The following PXDNL variants were observed in gnomAD, a reference collection of about 807,000 sequenced individuals.
The protein encoded by PXDNL is probable oxidoreductase PXDNL.
In PXDNL, 145 loss-of-function variants were observed where a neutral mutation model predicts 150.8. The ratio of observed to expected loss-of-function variants is 0.96; its 90% CI spans 0.84 to 1.10. The LOEUF is 1.10. PXDNL is among the 50% of genes least tolerant of loss of function. The probability of loss-of-function intolerance (pLI) is 0.00; values close to 1 mark genes in which losing one functional copy is unlikely to be tolerated. For synonymous variants in PXDNL, 757 were observed against 725.7 expected, an observed-to-expected ratio of 1.04 and a Z score of -0.69; for missense variants, 2,087 against 1,873.9, an observed-to-expected ratio of 1.11 and a Z score of -2.10.
intron 2 of PXDNL, among the ~76,000 whole-genome samples, chr8:51,633,238 T>C (rs571609214): frequency 1.3e-5 from 2 of 152,344 alleles, no homozygotes; most frequent in South Asian, 4.1e-4. Flanking sequence ...TTTCATTCTC[T>C]TTTGTGGATG....
intron 2 of PXDNL, among the ~76,000 whole-genome samples, chr8:51,637,685 G>A (rs62505331): frequency 0.023 from 3,559 of 152,284 alleles, 63 homozygotes; most frequent in East Asian, 0.069. Flanking sequence ...AAGCCTCCAA[G>A]AAATATGGGA....
intron 21 of PXDNL, among the ~76,000 whole-genome samples, chr8:51,322,376 A>G (rs1805350596): frequency 6.6e-6 from 1 of 152,142 alleles, no homozygotes; most frequent in African/African-American, 2.4e-5. Context: ...ACAGATCAGT[A>G]TTTCAGAAAT....
intron 20 of PXDNL, among the ~76,000 whole-genome samples, chr8:51,343,058 A>T (rs1806036678): frequency 6.6e-6 from 1 of 152,048 alleles, no homozygotes; most frequent in African/African-American, 2.4e-5. Context: ...AAACACAAAA[A>T]CCCAAGACAC....
At chr8:51,633,359 T>G (rs1246517067) in intron 2 of PXDNL, among the ~76,000 whole-genome samples, 1 of 152,172 alleles carries the variant, frequency 6.6e-6, no homozygotes, top group Admixed American at 6.6e-5. Flanking sequence ...AATGAACATA[T>G]GAATGCATGT....
intron 5 of PXDNL, among the ~76,000 whole-genome samples, chr8:51,497,367 G>A (rs1811075728): frequency 1.3e-5 from 2 of 152,158 alleles, no homozygotes; most frequent in Admixed American, 1.3e-4. Context: ...TCAGGACATA[G>A]GCATGGGCAA....
intron 4 of PXDNL, among the ~76,000 whole-genome samples, chr8:51,552,390 A>C (rs950329840): frequency 3.3e-5 from 5 of 152,346 alleles, no homozygotes; most frequent in Admixed American, 3.3e-4. Flanking sequence ...CTATGTTTAT[A>C]GCAGCACAAT....
At chr8:51,452,081 T>C (rs989666569) in intron 10 of PXDNL, among the ~76,000 whole-genome samples, 2 of 151,994 alleles carry the variant, frequency 1.3e-5, no homozygotes, top group Non-Finnish European at 2.9e-5. Flanking sequence ...GATGGAAGCA[T>C]AGAAAGGAAG....
chr8:51,349,076 CA>C (rs1806254983), intron 19 of PXDNL, among the ~76,000 whole-genome samples: 1 of 152,026 alleles, frequency 6.6e-6, no homozygotes, highest in Admixed American at 6.6e-5. Flanking sequence ...GTATGAATTA[CA>C]GCAGATAGGG....
chr8:51,656,310 A>T (rs139811995), intron 1 of PXDNL, among the ~76,000 whole-genome samples: 1 of 152,152 alleles, frequency 6.6e-6, no homozygotes, highest in Non-Finnish European at 1.5e-5. Flanking sequence ...AGGAGCTATT[A>T]TTTTCAATTA....
chr8:51,689,891 G>T (rs1172806802), intron 1 of PXDNL, among the ~76,000 whole-genome samples: 1 of 152,190 alleles, frequency 6.6e-6, no homozygotes. Flanking sequence ...CTTCGGCACA[G>T]GTTCACTGCC....
chr8:51,625,301 A>G (rs575483269), intron 2 of PXDNL, among the ~76,000 whole-genome samples: 13 of 152,326 alleles, frequency 8.5e-5, no homozygotes, highest in Non-Finnish European at 1.3e-4. Flanking sequence ...GAAAAAAGCG[A>G]TGTATGATTT....
Position 51,409,555 on chromosome 8 carries a change from C to G in PXDNL, c.2069G>C (p.Arg690Pro). Residue 690 changes from arginine to proline, a missense_variant, in exon 17 of 23, where the codon CGG becomes CCG. Physicochemically the swap from Arg to Pro is moderately radical, Grantham distance 103. Coordinates refer to ENST00000356297, the MANE Select transcript of PXDNL (RefSeq NM_144651.5). ...GCGCGGGGACACCAAGTCATTGTACCGGAATTCTGAAAGGCAAGCGGCGAA... is the reference window on the plus strand; with the variant it reads ...GCGCGGGGACACCAAGTCATTGTACGGGAATTCTGAAAGGCAAGCGGCGAA... ...LTVDLEGKEF[R>P]YNDLVSPRSL... 1.9e-6 allele frequency: 3 copies of G among 1,567,654 alleles called. No homozygotes were observed. Among genetic ancestry groups the G allele is most frequent in the South Asian group, 1.2e-5 (1 of 86,720 alleles).
chr8:51,603,496 C>A (rs1257444530), intron 2 of PXDNL, among the ~76,000 whole-genome samples: 1 of 151,858 alleles, frequency 6.6e-6, no homozygotes, highest in Non-Finnish European at 1.5e-5. Context: ...TGGATATTTT[C>A]TTTCATCATA....
intron 11 of PXDNL, 24 bp from the exon 12 acceptor site, chr8:51,447,186 A>T (rs750264868): frequency 6.2e-7 from 1 of 1,611,060 alleles, no homozygotes; most frequent in Non-Finnish European, 8.5e-7. Flanking sequence ...TAAAGAAAGT[A>T]TTCTTCATGG....
chr8:51,382,498 T>C (rs1041611659), intron 17 of PXDNL, among the ~76,000 whole-genome samples: 1 of 152,192 alleles, frequency 6.6e-6, no homozygotes, highest in African/African-American at 2.4e-5. Flanking sequence ...ACAGTTTGCC[T>C]GCCAAAAATG....
At chr8:51,503,284 A>G (rs2130305233) in intron 4 of PXDNL, among the ~76,000 whole-genome samples, 1 of 152,358 alleles carries the variant, frequency 6.6e-6, no homozygotes, top group East Asian at 1.9e-4. Context: ...ATGTAAGTAG[A>G]CTTTGTTCCT....
At chr8:51,392,184 C>G (rs1230511880) in intron 17 of PXDNL, among the ~76,000 whole-genome samples, 1 of 152,150 alleles carries the variant, frequency 6.6e-6, no homozygotes, top group Non-Finnish European at 1.5e-5. Flanking sequence ...ATGCCTCCAG[C>G]TTTGTTCTTT....
At chr8:51,593,263 A>C (rs1456387847) in intron 2 of PXDNL, among the ~76,000 whole-genome samples, 1 of 152,338 alleles carries the variant, frequency 6.6e-6, no homozygotes, top group Non-Finnish European at 1.5e-5. Context: ...AAATAAATCG[A>C]ATTTGAACCG....
intron 19 of PXDNL, among the ~76,000 whole-genome samples, chr8:51,354,849 G>T (rs927124769): frequency 6.6e-6 from 1 of 151,982 alleles, no homozygotes; most frequent in African/African-American, 2.4e-5. Context: ...ATTTTCAAGG[G>T]AATGCTTTGT....
Sources: allele counts gnomAD v4.1 joint callset (sites outside exome capture counted in the v4.1 genomes callset), GRCh38; gene constraint gnomAD v4.1.1; transcripts MANE v1.5; gene names NCBI Gene and HGNC (gene_info 2026-07-23, HGNC 2026-07-21).